The following OGG1 variants were observed in gnomAD, a reference collection of about 807,000 sequenced individuals.
The protein encoded by OGG1 is 8-oxoguanine DNA glycosylase, also known as N-glycosylase/DNA lyase.
Under a neutral mutation model 42.3 loss-of-function variants are expected in OGG1, and 35 were observed. The observed-to-expected ratio is 0.83, with a 90% CI of 0.63 to 1.10. OGG1 has a LOEUF of 1.10. Among genes scored for constraint, OGG1 ranks in the 50% least tolerant of loss-of-function variants. OGG1 has a pLI of 0.00. For missense variants in OGG1, 484 were observed against 446.7 expected (o/e 1.08, Z -0.75); for synonymous variants, 189 against 179.0 (o/e 1.06, Z -0.44).
At chr3:9,750,832 A>T (rs2077266755) in intron 1 of OGG1, 113 bp from the exon 2 acceptor site, 1 of 1,266,654 alleles carries the variant, frequency 7.9e-7, no homozygotes, top group Admixed American at 1.8e-5. Flanking sequence ...ACTGGAAGAT[A>T]GCACTGTTAC....
chr3:9,752,457 C>T (rs561565837), intron 3 of OGG1, among the ~76,000 whole-genome samples: 14 of 147,864 alleles, frequency 9.5e-5, no homozygotes, highest in African/African-American at 2.5e-4. Context: ...ATCAGCCAGG[C>T]GCAGTGGCTC....
chr3:9,762,265 T>C (rs1353321785), downstream of OGG1: 1 of 153,890 alleles, frequency 6.5e-6, no homozygotes, highest in Non-Finnish European at 1.4e-5. Context: ...CGTCGCTATT[T>C]CCGAGGAGTA....
chr3:9,775,031 C>A (rs1200533879), intron 2 of OGG1, among the ~76,000 whole-genome samples: 1 of 150,898 alleles, frequency 6.6e-6, no homozygotes, highest in African/African-American at 2.4e-5. Flanking sequence ...AGGAGGATCA[C>A]TTGAGCCCAG....
intron 7 of OGG1, among the ~76,000 whole-genome samples, chr3:9,762,537 G>A (rs993134686): frequency 1.3e-5 from 2 of 151,958 alleles, no homozygotes; most frequent in African/African-American, 2.4e-5. Context: ...CCACCACGCC[G>A]GGCTAATTTT....
intron 2 of OGG1, among the ~76,000 whole-genome samples, chr3:9,781,300 TAC>T (rs1015697936): frequency 2.6e-5 from 4 of 151,600 alleles, no homozygotes; most frequent in Non-Finnish European, 5.9e-5. Flanking sequence ...TATATATACA[TAC>T]ACACACACAA....
intron 4 of OGG1, 37 bp from the exon 5 acceptor site, chr3:9,756,434 C>T: frequency 6.2e-7 from 1 of 1,613,032 alleles, no homozygotes; most frequent in Non-Finnish European, 8.5e-7. Context: ...CACATGCTGC[C>T]CTTCTTCCAC....
chr3:9,750,665 G>C (rs992273350), intron 1 of OGG1: 1 of 700,740 alleles, frequency 1.4e-6, no homozygotes, highest in Non-Finnish European at 2.4e-6. Context: ...TTTGAGACAG[G>C]GTCTCGCTCT....
At chr3:9,784,198 C>T (rs2078549515) in intron 3 of OGG1, 7 of 1,613,466 alleles carry the variant, frequency 4.3e-6, no homozygotes, top group Non-Finnish European at 5.9e-6. Flanking sequence ...TCTCCAGGGA[C>T]TTAGTATGCG....
At chr3:9,778,701 A>G (rs1372371585) in intron 2 of OGG1, among the ~76,000 whole-genome samples, 4 of 152,184 alleles carry the variant, frequency 2.6e-5, no homozygotes, top group African/African-American at 4.8e-5. Context: ...GAGCAATCTT[A>G]TGGAGGGCCT....
intron 3 of OGG1, chr3:9,752,239 AC>A (rs2077336012): frequency 2.0e-6 from 1 of 489,192 alleles, no homozygotes; most frequent in South Asian, 2.2e-5. Context: ...CTGGGGACAG[AC>A]CCATGCCTGG....
chr3:9,789,427 C>T (rs928912982), downstream of OGG1: 34 of 1,293,320 alleles, frequency 2.6e-5, no homozygotes, highest in Non-Finnish European at 3.5e-5. Flanking sequence ...GAAGATGATG[C>T]ATGGCTTTGG....
At chr3:9,759,154 G>A (rs200785702), downstream of OGG1, 774 of 1,518,030 alleles carry the variant, frequency 5.1e-4, no homozygotes, top group Non-Finnish European at 6.3e-4. Context: ...ACATTATTCC[G>A]CTATGCCTCA....
At chr3:9,767,694 A>T (rs1051580403), downstream of OGG1, 6 of 1,613,946 alleles carry the variant, frequency 3.7e-6, no homozygotes, top group Admixed American at 8.3e-5. Context: ...GAAGTCGTAG[A>T]TGTCTCTAAT....
At chr3:9,752,515 G>A (rs984192142) in intron 3 of OGG1, among the ~76,000 whole-genome samples, 10 of 136,302 alleles carry the variant, frequency 7.3e-5, no homozygotes, top group East Asian at 2.0e-4. Flanking sequence ...GGGCAACAGA[G>A]CGAGACTCTG....
At chr3:9,781,833 C>CTTTTTT (rs35246642) in intron 3 of OGG1, among the ~76,000 whole-genome samples, 7 of 86,870 alleles carry the variant, frequency 8.1e-5, no homozygotes, top group African/African-American at 2.0e-4. Flanking sequence ...CCCATTACTT[C>CTTTTTT]TTTTTTTTTT....
chr3:9,769,925 C>A (rs1014615385), downstream of OGG1: 9 of 152,262 alleles, frequency 5.9e-5, no homozygotes, highest in African/African-American at 1.9e-4. Flanking sequence ...CCTGGGCCAC[C>A]CGCCCGCGCT....
At chr3:9,759,862 A>C (rs1295423049), downstream of OGG1, 1 of 1,588,304 alleles carries the variant, frequency 6.3e-7, no homozygotes, top group South Asian at 1.1e-5. Flanking sequence ...AAAGAGGCCA[A>C]ATCAGTCCAT....
chr3:9,767,582 A>G, downstream of OGG1: 1 of 1,556,698 alleles, frequency 6.4e-7, no homozygotes, highest in Non-Finnish European at 8.8e-7. Flanking sequence ...TGTGGGAAAC[A>G]GGAAGCATTA....
At chr3:9,778,372 C>A (rs2078391385) in intron 2 of OGG1, among the ~76,000 whole-genome samples, 1 of 152,200 alleles carries the variant, frequency 6.6e-6, no homozygotes, top group Non-Finnish European at 1.5e-5. Context: ...CAGGATCCTA[C>A]TTCATCTTTC....
Sources: gnomAD v4.1 joint callset for allele counts (sites outside exome capture counted in the v4.1 genomes callset) on GRCh38, gnomAD v4.1.1 for gene constraint, MANE v1.5 for transcripts, NCBI Gene and HGNC (gene_info 2026-07-23, HGNC 2026-07-21) for gene names.